The following FLNB variants were observed in gnomAD, a reference collection of about 807,000 sequenced individuals.
FLNB encodes the protein filamin-B.
Under a neutral mutation model 250.6 loss-of-function variants are expected in FLNB, and 111 were observed. That is an observed-to-expected ratio of 0.44 (90% CI 0.38 to 0.52). The LOEUF is 0.52. FLNB is among the 20% of genes least tolerant of loss of function. The pLI is 0.00. For synonymous variants in FLNB, 1,302 were observed against 1,372.1 expected, an observed-to-expected ratio of 0.95 and a Z score of 1.13; for missense variants, 2,869 against 3,447.8, an observed-to-expected ratio of 0.83 and a Z score of 4.20.
At chr3:58,078,594 C>T (rs755487971) in intron 2 of FLNB, 123 bp from the exon 3 acceptor site, 1 of 1,519,622 alleles carries the variant, frequency 6.6e-7, no homozygotes, top group Non-Finnish European at 8.9e-7. Flanking sequence ...ATGATTTGCT[C>T]AGATTTTAGG....
chr3:58,098,778 C>G lies in FLNB; in HGVS notation c.1215C>G (p.Leu405=), dbSNP rs377651340. ...AGGGGAAGAACACCGTGGAGTTGCTCGTGGAAGACAAAGGAAACCAGGTGT... is the reference window on the plus strand; with the variant it reads ...AGGGGAAGAACACCGTGGAGTTGCTGGTGGAAGACAAAGGAAACCAGGTGT... ...DPQGKNTVEL[L]VEDKGNQVYR... Residue 405 remains leucine, a synonymous_variant, in exon 8 of 46, where the codon CTC becomes CTG. Coordinates refer to ENST00000295956, the MANE Select transcript of FLNB (RefSeq NM_001457.4). 6.2e-7 allele frequency: 1 copy of G among 1,614,102 alleles called. No individual in the cohort carries two copies.
chr3:58,093,633 T>TCACA lies in FLNB; in HGVS notation c.788-1179_788-1176dup, dbSNP rs3060336. ...ATTTCTTACTATTTTATACTTATGT[T>TCACA]CACACACACACACACACACACACAC... On this transcript the variant is annotated intron_variant, in intron 4 of 45. Coordinates refer to ENST00000295956, the MANE Select transcript of FLNB (RefSeq NM_001457.4). Among the ~76,000 whole-genome samples the TCACA allele has an allele frequency of 5.4e-3, 805 of 149,564 alleles. 11 individuals are homozygous for TCACA. Among genetic ancestry groups the TCACA allele is most frequent in the Admixed American group, 7.6e-3 (114 of 15,016 alleles).
intron 18 of FLNB, among the ~76,000 whole-genome samples, chr3:58,117,933 G>A (rs2097281630): frequency 6.6e-6 from 1 of 152,160 alleles, no homozygotes; most frequent in Non-Finnish European, 1.5e-5. Flanking sequence ...CAAGGCTGCT[G>A]GATTCTTGGG....
intron 4 of FLNB, among the ~76,000 whole-genome samples, chr3:58,082,799 T>A: frequency 6.6e-6 from 1 of 151,146 alleles, no homozygotes; most frequent in Non-Finnish European, 1.5e-5. Flanking sequence ...AGAAAGAAAA[T>A]GTTATCCCAG....
At chr3:58,146,454 C>T (rs1185963264) in intron 33 of FLNB, among the ~76,000 whole-genome samples, 5 of 152,180 alleles carry the variant, frequency 3.3e-5, no homozygotes, top group African/African-American at 4.8e-5. Flanking sequence ...ATGGGATTTC[C>T]GTGATGGCAG....
intron 23 of FLNB, 119 bp downstream of exon 23, chr3:58,125,862 C>A: frequency 1.0e-6 from 1 of 978,394 alleles, no homozygotes. Context: ...CATGTATTTC[C>A]TTCTGTAGAG....
intron 36 of FLNB, among the ~76,000 whole-genome samples, 154 bp downstream of exon 36, chr3:58,149,006 G>C (rs1257638361): frequency 6.6e-6 from 1 of 152,148 alleles, no homozygotes; most frequent in Non-Finnish European, 1.5e-5. Context: ...TATGCCTCAT[G>C]ACCATTGGCA....
intron 42 of FLNB, chr3:58,162,949 A>G: frequency 1.6e-6 from 1 of 614,716 alleles, no homozygotes; most frequent in Non-Finnish European, 2.9e-6. Context: ...AGGATTTGCA[A>G]TGTGGATGCG....
In FLNB at chr3:58,032,101, C is replaced by CT. The variant is rs553761819; in HGVS notation, c.292+23252dup. Among the ~76,000 whole-genome samples, 8 of 151,708 alleles carry CT rather than the reference C, an allele frequency of 5.3e-5. 1 individual carries two copies. The East Asian group carries it at 9.7e-4, about 18-fold the overall frequency. On this transcript the variant is annotated intron_variant, in intron 1 of 45. Coordinates refer to ENST00000295956, the MANE Select transcript of FLNB (RefSeq NM_001457.4). ...GTGCCACCACACCTGACTAATTTTT[C>CT]TTTTTTTCTTTTTTTGTATTTTTGG...
chr3:58,028,481 G>T (rs1211710707), intron 1 of FLNB, among the ~76,000 whole-genome samples: 2 of 151,808 alleles, frequency 1.3e-5, no homozygotes, highest in Non-Finnish European at 2.9e-5. Context: ...TGTTGGCTGG[G>T]TGCAGTGGCT....
intron 38 of FLNB, chr3:58,152,692 C>T: frequency 7.9e-7 from 1 of 1,265,608 alleles, no homozygotes; most frequent in Non-Finnish European, 1.0e-6. Context: ...ACCTCCCTTC[C>T]CTTTTCTGTC....
Position 58,138,642 on chromosome 3 carries a change from A to C in FLNB, c.5109+113A>C. ...TTCACCTTTTTTTTCCTTTGGAAAA[A>C]AATTTGTTAAGCAGTCATGACCTTG... On this transcript the variant is annotated intron_variant, in intron 29 of 45. Transcript: ENST00000295956. 3 of 1,396,304 alleles carry C rather than the reference A, an allele frequency of 2.1e-6. No individual in the cohort carries two copies. In the Admixed American group the frequency reaches 5.0e-5, roughly 23 times the overall value. 86.5% of individuals were successfully genotyped at this position (1,396,304 alleles called of 1,614,324 possible). A position where few individuals can be genotyped will look rare whatever the true frequency, so the allele number is the denominator to read the frequency against.
chr3:58,043,169 CAG>C (rs1174478483), intron 1 of FLNB, among the ~76,000 whole-genome samples: 31 of 107,886 alleles, frequency 2.9e-4, no homozygotes, highest in African/African-American at 1.1e-3. Context: ...TTTTTTGAGA[CAG>C]AGTTTCACTC....
rs1222167520 is a variant in FLNB at position 58,108,466 on chromosome 3, A to G, written c.1950A>G (p.Ala650=). ...ATCTGCCTTTGCTTCAGGTTCGAGC[A>G]TACGGGCCAGGTTTGGAGAAATCTG... ...TGGYNPDLVR[A]YGPGLEKSGC... is the part of the protein sequence containing the mutation. The change falls in exon 13 of 46, where the codon GCA becomes GCG. Residue 650 remains alanine, a synonymous_variant. Coordinates refer to ENST00000295956, the MANE Select transcript of FLNB (RefSeq NM_001457.4). The G allele has an allele frequency of 1.2e-6, 2 of 1,612,556 alleles. No individual in the cohort carries two copies. The highest frequency in any genetic ancestry group is 1.7e-5 in the Admixed American group (1 of 60,012).
chr3:58,042,525 A>G (rs906553003), intron 1 of FLNB, among the ~76,000 whole-genome samples: 22 of 151,512 alleles, frequency 1.5e-4, no homozygotes, highest in African/African-American at 4.4e-4. Flanking sequence ...ATTTATTTCT[A>G]CTTTTTGAAA....
At chr3:58,044,373 G>T (rs1576627314) in intron 1 of FLNB, among the ~76,000 whole-genome samples, 1 of 152,018 alleles carries the variant, frequency 6.6e-6, no homozygotes, top group Admixed American at 6.6e-5. Flanking sequence ...AAGGTGGGAG[G>T]ATCGCTTGAG....
At chr3:58,156,968 A>T (rs2097354317) in intron 41 of FLNB, among the ~76,000 whole-genome samples, 1 of 152,166 alleles carries the variant, frequency 6.6e-6, no homozygotes, top group Non-Finnish European at 1.5e-5. Context: ...AAGTGCTGGG[A>T]TTACAGACGT....
At chr3:58,052,028 A>C (rs1576637640) in intron 1 of FLNB, among the ~76,000 whole-genome samples, 1 of 152,078 alleles carries the variant, frequency 6.6e-6, no homozygotes, top group Admixed American at 6.5e-5. Context: ...CTGGGACTCC[A>C]GGCACGCGCC....
intron 1 of FLNB, among the ~76,000 whole-genome samples, chr3:58,068,811 C>T (rs986795374): frequency 3.2e-4 from 48 of 151,982 alleles, no homozygotes; most frequent in African/African-American, 1.1e-3. Flanking sequence ...GCAGCCAAGA[C>T]GGACAGGATC....
Sources: allele counts gnomAD v4.1 joint callset (sites outside exome capture counted in the v4.1 genomes callset), GRCh38; gene constraint gnomAD v4.1.1; transcripts MANE v1.5; gene names NCBI Gene and HGNC (gene_info 2026-07-23, HGNC 2026-07-21).